Variants in ZNF423 observed in about 807,000 individuals in gnomAD.
ZNF423 encodes the protein Ebf-associated zinc finger protein.
Under a neutral mutation model 95.8 loss-of-function variants are expected in ZNF423, and 12 were observed. The observed-to-expected ratio is 0.13, with a 90% CI of 0.08 to 0.20. The LOEUF (loss-of-function observed/expected upper bound fraction) is 0.20, where lower values mean the gene tolerates loss of function less well. Among genes scored for constraint, ZNF423 ranks in the 10% least tolerant of loss-of-function variants. The pLI is 1.00. For synonymous variants in ZNF423, 749 were observed against 711.9 expected, an observed-to-expected ratio of 1.05 and a Z score of -0.83; for missense variants, 1,316 against 1,737.1, an observed-to-expected ratio of 0.76 and a Z score of 4.31.
chr16:49,585,597 G>A (rs1970806764), intron 5 of ZNF423, among the ~76,000 whole-genome samples: 1 of 152,254 alleles, frequency 6.6e-6, no homozygotes, highest in African/African-American at 2.4e-5. Context: ...TGACTGTTGA[G>A]TCTAATGTTA....
In ZNF423 at chr16:49,800,084, A is replaced by T. The variant is rs182279158; in HGVS notation, c.41-10538T>A. On this transcript the variant is annotated intron_variant, in intron 1 of 7. Coordinates refer to ENST00000563137, the MANE Select transcript of ZNF423 (RefSeq NM_001379286.1). ...CATGGCAAAACCCTGTCTCTACAAA[A>T]AATGCAAAAATTAGCTGGGCATATG... Among the ~76,000 whole-genome samples the T allele has an allele frequency of 1.4e-3, 209 of 152,280 alleles. 3 individuals carry two copies. Among genetic ancestry groups the T allele is most frequent in the South Asian group, 2.1e-3 (10 of 4,816 alleles).
intron 3 of ZNF423, among the ~76,000 whole-genome samples, chr16:49,664,513 G>A (rs2030434574): frequency 6.6e-6 from 1 of 152,250 alleles, no homozygotes; most frequent in African/African-American, 2.4e-5. Flanking sequence ...ATTCTACAGA[G>A]ATGGAGGAGG....
At chr16:49,851,873 T>C (rs2035305836) in intron 1 of ZNF423, among the ~76,000 whole-genome samples, 1 of 152,176 alleles carries the variant, frequency 6.6e-6, no homozygotes, top group Admixed American at 6.5e-5. Flanking sequence ...AAGCTGGGAA[T>C]CGATAACTTA....
intron 5 of ZNF423, among the ~76,000 whole-genome samples, chr16:49,588,861 T>C (rs1484578368): frequency 6.6e-6 from 1 of 152,258 alleles, no homozygotes; most frequent in South Asian, 2.1e-4. Flanking sequence ...ACCTATCTGC[T>C]ATCTCATGAT....
chr16:49,652,298 G>A (rs925785003), intron 3 of ZNF423, among the ~76,000 whole-genome samples: 4 of 151,856 alleles, frequency 2.6e-5, no homozygotes, highest in Middle Eastern at 6.4e-3. Context: ...CACTGATATT[G>A]AAAATGCAAT....
At chr16:49,821,595 G>A (rs780679963) in intron 1 of ZNF423, among the ~76,000 whole-genome samples, 3 of 152,104 alleles carry the variant, frequency 2.0e-5, no homozygotes, top group Non-Finnish European at 2.9e-5. Context: ...AGGCCTTCAG[G>A]GGTGGCAAAG....
intron 5 of ZNF423, among the ~76,000 whole-genome samples, chr16:49,532,450 G>T (rs544365738): frequency 6.6e-6 from 1 of 152,272 alleles, no homozygotes; most frequent in Non-Finnish European, 1.5e-5. Context: ...CCCCCTGGGG[G>T]CACCCTCCCA....
intron 2 of ZNF423, among the ~76,000 whole-genome samples, chr16:49,763,795 T>A (rs2033875199): frequency 6.6e-6 from 1 of 152,148 alleles, no homozygotes; most frequent in Non-Finnish European, 1.5e-5. Flanking sequence ...TTCCACCCAA[T>A]CCTTTTGCCC....
chr16:49,581,793 C>T (rs1334516706), intron 5 of ZNF423, among the ~76,000 whole-genome samples: 2 of 152,118 alleles, frequency 1.3e-5, no homozygotes, highest in East Asian at 3.9e-4. Flanking sequence ...TCCTATTAAG[C>T]AAGGCTCGAG....
intron 5 of ZNF423, among the ~76,000 whole-genome samples, chr16:49,530,095 G>A (rs967717004): frequency 4.6e-5 from 7 of 152,276 alleles, no homozygotes; most frequent in African/African-American, 7.2e-5. Flanking sequence ...CCACTCACTC[G>A]CTGTGTGGAC....
chr16:49,651,379 CT>C (rs1393677452), intron 3 of ZNF423, among the ~76,000 whole-genome samples: 1 of 152,154 alleles, frequency 6.6e-6, no homozygotes, highest in Non-Finnish European at 1.5e-5. Context: ...GACTCTGCAT[CT>C]GGCATGTGGA....
chr16:49,553,983 C>T (rs572806035), intron 5 of ZNF423, among the ~76,000 whole-genome samples: 9 of 152,322 alleles, frequency 5.9e-5, no homozygotes, highest in Admixed American at 2.6e-4. Flanking sequence ...AACACAGTCC[C>T]GCCTTGGAGG....
intron 3 of ZNF423, among the ~76,000 whole-genome samples, chr16:49,689,026 G>A (rs960302665): frequency 3.9e-5 from 6 of 152,196 alleles, no homozygotes; most frequent in Non-Finnish European, 8.8e-5. Flanking sequence ...ATCTTGGCCA[G>A]GAGCACAGCC....
intron 2 of ZNF423, among the ~76,000 whole-genome samples, chr16:49,786,315 G>T (rs2034312780): frequency 6.6e-6 from 1 of 152,200 alleles, no homozygotes; most frequent in South Asian, 2.1e-4. Context: ...TGGCAGGGTG[G>T]CCAGGGGAGG....
intron 2 of ZNF423, among the ~76,000 whole-genome samples, chr16:49,752,453 C>T (rs1348909325): frequency 1.3e-5 from 2 of 152,186 alleles, no homozygotes; most frequent in Non-Finnish European, 2.9e-5. Flanking sequence ...CCCTTTCTGA[C>T]CATAGCAACA....
intron 3 of ZNF423, among the ~76,000 whole-genome samples, chr16:49,700,814 C>T (rs2032154336): frequency 6.6e-6 from 1 of 152,128 alleles, no homozygotes; most frequent in Non-Finnish European, 1.5e-5. Flanking sequence ...TGAACACCGT[C>T]TGGGAGTCTC....
intron 7 of ZNF423, among the ~76,000 whole-genome samples, chr16:49,500,946 A>G (rs953205778): frequency 2.0e-5 from 3 of 152,144 alleles, no homozygotes; most frequent in African/African-American, 7.2e-5. Flanking sequence ...AAAACCAAAA[A>G]AGGGTTCACT....
At chr16:49,701,163 T>A (rs2032167945) in intron 3 of ZNF423, among the ~76,000 whole-genome samples, 1 of 152,086 alleles carries the variant, frequency 6.6e-6, no homozygotes, top group South Asian at 2.1e-4. Context: ...TTGTAACTTT[T>A]AAAAAAACAG....
chr16:49,652,453 G>GC lies in ZNF423; in HGVS notation c.302-13580dup, dbSNP rs1436782738. ...GATCAACTCCTGCCAGCAAGGAAGAGCCCCCCAAGTCTGCCCCTACAAGGG... is the reference window on the plus strand; with the variant it reads ...GATCAACTCCTGCCAGCAAGGAAGAGCCCCCCCAAGTCTGCCCCTACAAGGG... On this transcript the variant is annotated intron_variant, in intron 3 of 7. Transcript: ENST00000563137. Among the ~76,000 whole-genome samples, 7 of 152,116 alleles carry GC rather than the reference G, an allele frequency of 4.6e-5. No homozygotes were observed. The East Asian group carries it at 9.7e-4, about 21-fold the overall frequency.
Sources: allele counts gnomAD v4.1 joint callset (sites outside exome capture counted in the v4.1 genomes callset), GRCh38; gene constraint gnomAD v4.1.1; transcripts MANE v1.5; gene names NCBI Gene and HGNC (gene_info 2026-07-23, HGNC 2026-07-21).